Variants in RPL22 observed in about 807,000 individuals in gnomAD.
RPL22 encodes large ribosomal subunit protein eL22.
In RPL22, 4 loss-of-function variants were observed where a neutral mutation model predicts 16.2. The ratio of observed to expected loss-of-function variants is 0.25; its 90% confidence interval spans 0.12 to 0.57. The LOEUF is 0.57. Ranked by LOEUF, RPL22 falls within the 20% of genes least tolerant of loss-of-function variation. The pLI, the probability that RPL22 is intolerant of heterozygous loss-of-function variation, is 0.92. For missense variants in RPL22, 83 were observed against 156.1 expected, an observed-to-expected ratio of 0.53 and a Z score of 2.49; for synonymous variants, 43 against 54.8, an observed-to-expected ratio of 0.78 and a Z score of 0.95.
intron 3 of RPL22, 44 bp downstream of exon 3, chr1:6,192,886 G>A (rs74804565): frequency 0.074 from 119,198 of 1,605,860 alleles, 7,781 homozygotes; most frequent in African/African-American, 0.3. Flanking sequence ...AGGCGGGCTG[G>A]GCACTGGGTG....
chr1:6,190,303 A>G (rs1667633833), intron 3 of RPL22, among the ~76,000 whole-genome samples: 2 of 152,252 alleles, frequency 1.3e-5, no homozygotes, highest in Non-Finnish European at 2.9e-5. Context: ...ATAGCTAAAC[A>G]TAAAAGCATT....
rs3789519 is a variant in RPL22 at position 6,199,477 on chromosome 1, C to A, written c.12+85G>T. 1.6e-5 allele frequency: 25 copies of A among 1,525,236 alleles called. No homozygotes were observed. In the East Asian group the frequency reaches 5.9e-4, roughly 36 times the overall value. The allele number at this position is 1,525,236 out of a possible 1,614,324, so 94.5% of individuals were successfully genotyped here. The stretch of plus-strand genomic sequence containing the variant: ...CCAGCAGGACGCTGCAGGGCGCCGT[C>A]CCCAGCGAGCCTGGGTAGATGCCGG... On this transcript the variant is annotated intron_variant, in intron 1 of 3. Transcript: ENST00000234875.
At chr1:6,193,089 A>C (rs1667672226) in intron 2 of RPL22, 35 bp from the exon 3 acceptor site, 1 of 1,610,772 alleles carries the variant, frequency 6.2e-7, no homozygotes, top group Admixed American at 1.7e-5. Context: ...ATGAAGTGAC[A>C]AGTTCATCTG....
At chr1:6,190,503 A>C (rs2311386) in intron 3 of RPL22, among the ~76,000 whole-genome samples, 19,954 of 151,990 alleles carry the variant, frequency 0.13, 2,132 homozygotes, top group African/African-American at 0.29. Context: ...GCCTCAGCCT[A>C]CCCAGTAGCT....
At position 6,185,251 on chromosome 1, in the gene RPL22, G is replaced by A. The variant is rs3581; in HGVS notation, c.*1421C>T. The stretch of plus-strand genomic sequence containing the variant: ...CATGGGAACATCAATGCAACAAGTA[G>A]AATTTGTAAACTCAAGCCACAAACT... On this transcript the variant is annotated 3_prime_UTR_variant, in exon 4 of 4. Coordinates refer to ENST00000234875, the MANE Select transcript of RPL22 (RefSeq NM_000983.4). 1 of 398,810 alleles carries A rather than the reference G, an allele frequency of 2.5e-6. No homozygotes were observed. The allele number at this position is 398,810 out of a possible 1,614,324, so 24.7% of individuals were successfully genotyped here.
At position 6,186,244 on chromosome 1, in the gene RPL22, C is replaced by T. The variant is rs1667580566; in HGVS notation, c.*428G>A. On this transcript the variant is annotated 3_prime_UTR_variant, in exon 4 of 4. Transcript: ENST00000234875. ...GGCCCAGAAACCCGCATTTTATTGA[C>T]AGTCATTTTCCCACAGAGAATCTTA... 4.2e-6 allele frequency: 1 copy of T among 240,164 alleles called. No homozygotes were observed. Among genetic ancestry groups the T allele is most frequent in the East Asian group, 6.0e-5 (1 of 16,740 alleles). The allele number at this position is 240,164 out of a possible 1,614,324, so 14.9% of individuals were successfully genotyped here.
intron 1 of RPL22, chr1:6,198,890 C>T (rs1227275940): frequency 6.6e-6 from 1 of 152,190 alleles, no homozygotes; most frequent in Non-Finnish European, 1.5e-5. Flanking sequence ...GGAGTCCCAA[C>T]AAAAGAGGAA....
chr1:6,195,849 A>T (rs1367391956), intron 2 of RPL22, among the ~76,000 whole-genome samples: 1 of 152,054 alleles, frequency 6.6e-6, no homozygotes, highest in African/African-American at 2.4e-5. Context: ...GATCACCTAA[A>T]GTCAGGGGTT....
intron 2 of RPL22, among the ~76,000 whole-genome samples, chr1:6,193,881 C>A (rs1433908453): frequency 1.3e-5 from 2 of 152,184 alleles, no homozygotes; most frequent in Non-Finnish European, 2.9e-5. Flanking sequence ...CTGGGCCTCG[C>A]CACGAAAGGC....
chr1:6,198,344 C>A (rs1159462103), intron 1 of RPL22: 2 of 152,538 alleles, frequency 1.3e-5, no homozygotes, highest in African/African-American at 4.8e-5. Flanking sequence ...AGGCTAAAAC[C>A]TAGAATCTTA....
At chr1:6,193,216 A>C (rs1412178211) in intron 2 of RPL22, among the ~76,000 whole-genome samples, 162 bp from the exon 3 acceptor site, 1 of 151,982 alleles carries the variant, frequency 6.6e-6, no homozygotes, top group Non-Finnish European at 1.5e-5. Flanking sequence ...CAACCTCCCA[A>C]GCTCAAGTCT....
intron 3 of RPL22, among the ~76,000 whole-genome samples, chr1:6,187,038 T>TA (rs1667590581): frequency 1.3e-5 from 2 of 152,236 alleles, no homozygotes; most frequent in Non-Finnish European, 2.9e-5. Flanking sequence ...CTCAGCATGG[T>TA]GGCTCAGGCC....
At chr1:6,186,951 TA>T (rs1412994309) in intron 3 of RPL22, 135 bp from the exon 4 acceptor site, 1 of 1,280,954 alleles carries the variant, frequency 7.8e-7, no homozygotes, top group Non-Finnish European at 1.1e-6. Flanking sequence ...ATGGCAAAGG[TA>T]AGGCAAATAC....
Position 6,199,279 on chromosome 1 carries a change from G to A in RPL22, c.12+283C>T, listed in dbSNP as rs1479134991. On this transcript the variant is annotated intron_variant, in intron 1 of 3. Transcript: ENST00000234875. ...GGCCGGGGTCCGAGGACCAGTGGCC[G>A]GCCCAGACCGCAGTCTCCAGGCTCC... 15 of 691,718 alleles carry A rather than the reference G, an allele frequency of 2.2e-5. No homozygotes were observed. The Admixed American group carries it at 2.2e-4, about 10-fold the overall frequency. 42.8% of individuals were successfully genotyped at this position (691,718 alleles called of 1,614,324 possible).
At chr1:6,195,266 A>C (rs1310370808) in intron 2 of RPL22, among the ~76,000 whole-genome samples, 1 of 151,750 alleles carries the variant, frequency 6.6e-6, no homozygotes, top group Non-Finnish European at 1.5e-5. Context: ...TAACACGGTG[A>C]AACTCTGTCT....
In RPL22 at chr1:6,199,562, C is replaced by T. The variant is rs1451582927; in HGVS notation, c.12G>A (p.Val4=). The T allele has an allele frequency of 6.4e-7, 1 of 1,566,974 alleles. No individual in the cohort carries two copies. Among genetic ancestry groups the T allele is most frequent in the Non-Finnish European group, 8.7e-7 (1 of 1,156,018 alleles). Reference sequence around the variant, plus strand: ...AGGCCTCACGCGGAGCCATACTAACCACAGGAGCCATGGCGGCAGCGGAGT... The same window carrying T: ...AGGCCTCACGCGGAGCCATACTAACTACAGGAGCCATGGCGGCAGCGGAGT... The part of the protein sequence containing the change: MAP[V]KKLVVKGGKK... Residue 4 remains valine (V), a splice_region_variant and synonymous_variant, in exon 1 of 4, where the codon GTG becomes GTA. Transcript: ENST00000234875.
chr1:6,199,325 C>G (rs757048557), intron 1 of RPL22: 47 of 1,208,348 alleles, frequency 3.9e-5, no homozygotes, highest in Non-Finnish European at 5.0e-5. Flanking sequence ...TAGCCCCTAG[C>G]TGGGGCCCCG....
intron 1 of RPL22, 61 bp downstream of exon 1, chr1:6,199,501 G>A (rs1269412421): frequency 1.3e-6 from 2 of 1,542,974 alleles, no homozygotes; most frequent in African/African-American, 1.4e-5. Context: ...GGTAGATGCC[G>A]GGCTCGGCGA....
At chr1:6,194,928 G>A (rs1186235204) in intron 2 of RPL22, among the ~76,000 whole-genome samples, 5 of 152,164 alleles carry the variant, frequency 3.3e-5, no homozygotes, top group Non-Finnish European at 7.3e-5. Context: ...CACGAGGTCA[G>A]GAGATCGAGA....
Sources: allele counts gnomAD v4.1 joint callset (sites outside exome capture counted in the v4.1 genomes callset), GRCh38; gene constraint gnomAD v4.1.1; transcripts MANE v1.5; gene names NCBI Gene and HGNC (gene_info 2026-07-23, HGNC 2026-07-21).